LPP: variants seen among roughly 807,000 people sequenced by gnomAD.
The protein encoded by LPP is LIM domain containing preferred translocation partner in lipoma.
A neutral mutation model predicts 60.4 loss-of-function variants in LPP; 38 were observed. That is an observed-to-expected ratio of 0.63 (90% CI 0.49 to 0.83). The LOEUF is 0.83. Ranked by LOEUF, LPP falls within the 40% of genes least tolerant of loss-of-function variation. The pLI is 0.00. For missense variants in LPP, 902 were observed against 783.6 expected (o/e 1.15, Z -1.80); for synonymous variants, 328 against 290.8 (o/e 1.13, Z -1.30).
At chr3:188,679,113 A>T (rs187431338) in intron 7 of LPP, among the ~76,000 whole-genome samples, 22 of 152,324 alleles carry the variant, frequency 1.4e-4, no homozygotes, top group Admixed American at 1.3e-3. Context: ...AGAGGAAGGA[A>T]TGTGGACTTG....
At chr3:188,617,437 G>A (rs1449622772) in intron 7 of LPP, among the ~76,000 whole-genome samples, 1 of 152,126 alleles carries the variant, frequency 6.6e-6, no homozygotes, top group Non-Finnish European at 1.5e-5. Context: ...ACTATTGTCA[G>A]GATGATCTTA....
chr3:188,584,537 A>T (rs1304977521), intron 6 of LPP: 4 of 118,052 alleles, frequency 3.4e-5, no homozygotes, highest in African/African-American at 7.1e-5. Flanking sequence ...TGTTTCTTTT[A>T]ATTTTAGTCG....
rs527421635 is a variant in LPP, at chr3:188,173,886, G to T, written c.-190+19634G>T. On this transcript the variant is annotated intron_variant, in intron 1 of 11. Transcript: ENST00000617246. ...AATAAATGAGTGAGCAACTATCGGG[G>T]ACTCCCAAAAATTAGGGTTTGGATC... Among the ~76,000 whole-genome samples, 3 of 152,284 alleles carry T rather than the reference G, an allele frequency of 2.0e-5. No individual in the cohort carries two copies. The South Asian group carries it at 6.2e-4, about 32-fold the overall frequency.
chr3:188,614,316 A>AACTCTCTCCGTTACCATACTAATCCGT (rs1844458239), intron 7 of LPP, among the ~76,000 whole-genome samples: 1 of 152,198 alleles, frequency 6.6e-6, no homozygotes, highest in Non-Finnish European at 1.5e-5. Context: ...TCCGTATGGT[A>AACTCTCTCCGTTACCATACTAATCCGT]ATCCCTGTGT....
At chr3:188,388,596 C>A (rs531915627) in intron 3 of LPP, among the ~76,000 whole-genome samples, 2 of 152,238 alleles carry the variant, frequency 1.3e-5, no homozygotes, top group African/African-American at 4.8e-5. Flanking sequence ...TTGCTACATT[C>A]CGAAAAGGAA....
intron 8 of LPP, among the ~76,000 whole-genome samples, chr3:188,719,606 T>C (rs998986048): frequency 1.3e-5 from 2 of 152,188 alleles, no homozygotes; most frequent in African/African-American, 4.8e-5. Context: ...GGGGCACACA[T>C]TGTCTGTGGT....
At chr3:188,638,944 G>A (rs1317201518) in intron 7 of LPP, among the ~76,000 whole-genome samples, 1 of 152,054 alleles carries the variant, frequency 6.6e-6, no homozygotes, top group East Asian at 1.9e-4. Flanking sequence ...TACTGCCCAA[G>A]GTAATTTATA....
intron 9 of LPP, among the ~76,000 whole-genome samples, chr3:188,760,716 G>A (rs1732021736): frequency 6.6e-6 from 1 of 152,156 alleles, no homozygotes; most frequent in African/African-American, 2.4e-5. Context: ...CTCTGGACTT[G>A]TCAGTCCTCT....
chr3:188,735,947 G>A (rs974532084), intron 8 of LPP, among the ~76,000 whole-genome samples: 23 of 152,218 alleles, frequency 1.5e-4, no homozygotes, highest in African/African-American at 5.3e-4. Flanking sequence ...TGGAGGGAGT[G>A]AATTAATTAG....
chr3:188,862,717 AAAT>A (rs1464035325), intron 9 of LPP, among the ~76,000 whole-genome samples: 2 of 100,342 alleles, frequency 2.0e-5, no homozygotes, highest in Non-Finnish European at 3.9e-5. Context: ...CTAGACAAAA[AAAT>A]AAATAAATAA....
chr3:188,822,786 G>T (rs1470761012), intron 9 of LPP, among the ~76,000 whole-genome samples: 2 of 152,118 alleles, frequency 1.3e-5, no homozygotes, highest in South Asian at 4.1e-4. Context: ...CCCTTCTGGT[G>T]ATCTGCTTTA....
intron 5 of LPP, among the ~76,000 whole-genome samples, chr3:188,517,670 T>C (rs986036685): frequency 3.3e-5 from 5 of 152,052 alleles, no homozygotes; most frequent in Non-Finnish European, 2.9e-5. Context: ...TACATGGCGG[T>C]GGTAAGAGAA....
intron 9 of LPP, among the ~76,000 whole-genome samples, chr3:188,809,886 G>C (rs771078207): frequency 4.6e-5 from 7 of 152,056 alleles, no homozygotes; most frequent in Non-Finnish European, 1.0e-4. Context: ...TCCAGTTTCA[G>C]TTTTCTGCAT....
chr3:188,753,923 A>G (rs754770294), intron 8 of LPP, among the ~76,000 whole-genome samples: 3 of 152,294 alleles, frequency 2.0e-5, no homozygotes, highest in East Asian at 3.9e-4. Context: ...CAGTGACAGA[A>G]CTACATGTGT....
At chr3:188,762,528 C>T (rs549795403) in intron 9 of LPP, among the ~76,000 whole-genome samples, 9 of 152,068 alleles carry the variant, frequency 5.9e-5, no homozygotes, top group Non-Finnish European at 7.4e-5. Context: ...TTTCTGAGTG[C>T]GTAACAAAAC....
chr3:188,190,282 C>A (rs1369629095), intron 1 of LPP, among the ~76,000 whole-genome samples: 1 of 152,052 alleles, frequency 6.6e-6, no homozygotes, highest in Non-Finnish European at 1.5e-5. Flanking sequence ...TGGTCTTGAA[C>A]TCCTGACCTC....
intron 5 of LPP, among the ~76,000 whole-genome samples, chr3:188,517,268 T>G (rs970767112): frequency 1.3e-5 from 2 of 152,180 alleles, no homozygotes; most frequent in African/African-American, 4.8e-5. Flanking sequence ...TTCTTTTTTA[T>G]TAGGGATACT....
At chr3:188,732,354 G>T (rs1422534685) in intron 8 of LPP, among the ~76,000 whole-genome samples, 3 of 152,044 alleles carry the variant, frequency 2.0e-5, no homozygotes, top group African/African-American at 7.2e-5. Context: ...TAGTCTTAAG[G>T]GTGCACTTAC....
chr3:188,319,266 C>T (rs1422081821), intron 2 of LPP, among the ~76,000 whole-genome samples: 3 of 152,056 alleles, frequency 2.0e-5, no homozygotes, highest in African/African-American at 7.2e-5. Flanking sequence ...AAACATCCAA[C>T]GGTGGTTTGG....
Sources: gnomAD v4.1 joint callset for allele counts (sites outside exome capture counted in the v4.1 genomes callset) on GRCh38, gnomAD v4.1.1 for gene constraint, MANE v1.5 for transcripts, NCBI Gene and HGNC (gene_info 2026-07-23, HGNC 2026-07-21) for gene names.